Variants in CEP112 observed in about 807,000 individuals in gnomAD.
CEP112 encodes the protein centrosomal protein 112.
A neutral mutation model predicts 153.0 loss-of-function variants in CEP112; 127 were observed. The ratio of observed to expected loss-of-function variants is 0.83; its 90% CI spans 0.72 to 0.96. CEP112 has a LOEUF of 0.96. Among genes scored for constraint, CEP112 ranks in the 40% least tolerant of loss-of-function variants. CEP112 has a pLI of 0.00. For missense variants in CEP112, 1,089 were observed against 1,101.2 expected, an observed-to-expected ratio of 0.99 and a Z score of 0.16; for synonymous variants, 358 against 374.4, an observed-to-expected ratio of 0.96 and a Z score of 0.51.
At chr17:65,854,978 G>T (rs1029946969) in intron 20 of CEP112, among the ~76,000 whole-genome samples, 10 of 152,078 alleles carry the variant, frequency 6.6e-5, no homozygotes, top group African/African-American at 2.2e-4. Context: ...AAAGCTCAGG[G>T]ATATCAACAT....
At chr17:65,847,539 T>G (rs891642908) in intron 21 of CEP112, among the ~76,000 whole-genome samples, 3 of 152,208 alleles carry the variant, frequency 2.0e-5, no homozygotes, top group African/African-American at 7.2e-5. Flanking sequence ...TTACCAATGC[T>G]TGACTTCCTT....
intron 20 of CEP112, among the ~76,000 whole-genome samples, chr17:65,900,315 C>T (rs190682692): frequency 2.0e-5 from 3 of 152,140 alleles, no homozygotes; most frequent in Non-Finnish European, 2.9e-5. Context: ...AAGAAAGACA[C>T]GAAATATGAG....
chr17:65,704,637 C>T (rs1054800357), intron 23 of CEP112, among the ~76,000 whole-genome samples: 1 of 152,196 alleles, frequency 6.6e-6, no homozygotes, highest in African/African-American at 2.4e-5. Flanking sequence ...AAGGAAGCCA[C>T]TCCAATAGAA....
chr17:65,806,565 T>C (rs1241295772), intron 21 of CEP112, among the ~76,000 whole-genome samples: 1 of 152,072 alleles, frequency 6.6e-6, no homozygotes, highest in Non-Finnish European at 1.5e-5. Context: ...GGGAGGGCCC[T>C]GGTGGGAGGT....
intron 12 of CEP112, among the ~76,000 whole-genome samples, chr17:66,040,494 C>CTTTT (rs71160522): frequency 1.3e-4 from 17 of 133,478 alleles, no homozygotes; most frequent in South Asian, 2.3e-4. Context: ...CCCTTTTTTT[C>CTTTT]TTTTTTTTTT....
chr17:65,749,619 G>C (rs757402828), intron 22 of CEP112, among the ~76,000 whole-genome samples: 16 of 152,184 alleles, frequency 1.1e-4, no homozygotes, highest in Non-Finnish European at 1.5e-4. Flanking sequence ...ACTGGGTCCT[G>C]GCTGAGTCAC....
intron 16 of CEP112, among the ~76,000 whole-genome samples, chr17:66,022,088 T>C (rs1005598124): frequency 1.3e-5 from 2 of 152,150 alleles, no homozygotes; most frequent in African/African-American, 4.8e-5. Flanking sequence ...GCTGTGAGCC[T>C]GCTTACCTTC....
At chr17:65,984,993 TAGG>T (rs2145179567) in intron 17 of CEP112, among the ~76,000 whole-genome samples, 1 of 152,220 alleles carries the variant, frequency 6.6e-6, no homozygotes, top group South Asian at 2.1e-4. Flanking sequence ...CTGGTATCCC[TAGG>T]AGGAGAAGTT....
Position 66,143,578 on chromosome 17 carries a change from G to A in CEP112, c.471-10815C>T, listed in dbSNP as rs546820506. 4.6e-5 allele frequency among the ~76,000 whole-genome samples: 7 copies of A among 152,258 alleles called. No homozygotes were observed. The South Asian group carries it at 6.2e-4, about 14-fold the overall frequency. On this transcript the variant is annotated intron_variant, in intron 4 of 26. Transcript: ENST00000535342. ...CTGTCTCAAAGAAATTCGTGAATAC[G>A]GTGTTTGTCTAATGGAATGGATTAC... is the stretch of plus-strand genomic sequence containing the variant.
chr17:65,964,268 C>G (rs2062329620), intron 17 of CEP112, among the ~76,000 whole-genome samples: 1 of 152,124 alleles, frequency 6.6e-6, no homozygotes, highest in South Asian at 2.1e-4. Context: ...TTTTTGCCAC[C>G]TAATGTGAAT....
intron 21 of CEP112, among the ~76,000 whole-genome samples, chr17:65,850,014 C>T (rs573520335): frequency 9.3e-4 from 141 of 151,952 alleles, no homozygotes; most frequent in Non-Finnish European, 1.5e-3. Context: ...ATTAGCCAGA[C>T]GTGCTGGCGG....
At chr17:65,970,145 T>C (rs1053656730) in intron 17 of CEP112, among the ~76,000 whole-genome samples, 2 of 152,196 alleles carry the variant, frequency 1.3e-5, no homozygotes, top group South Asian at 2.1e-4. Flanking sequence ...TTATGTATTT[T>C]GCATGTGTAT....
intron 18 of CEP112, among the ~76,000 whole-genome samples, chr17:65,936,793 T>TCTCCCCCTCCCCCTCCTCCTCCCC (rs1555720970): frequency 3.7e-5 from 4 of 109,586 alleles, no homozygotes; most frequent in African/African-American, 6.3e-5. Context: ...TCCGTCTACC[T>TCTCCCCCTCCCCCTCCTCCTCCCC]CTCCCCCTCC....
intron 6 of CEP112, among the ~76,000 whole-genome samples, chr17:66,128,770 G>A (rs543529868): frequency 9.2e-5 from 14 of 152,116 alleles, no homozygotes; most frequent in African/African-American, 3.1e-4. Flanking sequence ...ATATCCATCC[G>A]AAAGAAAAAT....
At chr17:66,023,966 C>T (rs781669805) in intron 16 of CEP112, among the ~76,000 whole-genome samples, 2 of 152,118 alleles carry the variant, frequency 1.3e-5, no homozygotes, top group Admixed American at 1.3e-4. Flanking sequence ...AAACATAATA[C>T]ACCATGATCA....
intron 12 of CEP112, among the ~76,000 whole-genome samples, chr17:66,043,580 A>G (rs1393410718): frequency 6.6e-6 from 1 of 152,210 alleles, no homozygotes; most frequent in East Asian, 1.9e-4. Flanking sequence ...GAATCTCAAT[A>G]AAGCCGCCCA....
chr17:65,971,586 T>C (rs975393197), intron 17 of CEP112, among the ~76,000 whole-genome samples: 2 of 151,210 alleles, frequency 1.3e-5, no homozygotes, highest in African/African-American at 2.5e-5. Context: ...GCATGTATAT[T>C]ACATGCATGC....
intron 21 of CEP112, among the ~76,000 whole-genome samples, chr17:65,789,719 C>G (rs1415474804): frequency 1.3e-5 from 2 of 151,646 alleles, no homozygotes; most frequent in Non-Finnish European, 2.9e-5. Context: ...CACAAAACCT[C>G]AAGAAATCTC....
intron 4 of CEP112, among the ~76,000 whole-genome samples, chr17:66,173,967 C>T (rs1445095328): frequency 6.6e-6 from 1 of 152,056 alleles, no homozygotes; most frequent in Non-Finnish European, 1.5e-5. Context: ...CTCGCCCTAT[C>T]GCCCAGGCTG....
Sources: gnomAD v4.1 joint callset for allele counts (sites outside exome capture counted in the v4.1 genomes callset) on GRCh38, gnomAD v4.1.1 for gene constraint, MANE v1.5 for transcripts, NCBI Gene and HGNC (gene_info 2026-07-23, HGNC 2026-07-21) for gene names.